The following MAP7 variants were observed in gnomAD, a reference collection of about 807,000 sequenced individuals.
MAP7 encodes the protein ensconsin.
A neutral mutation model predicts 94.8 loss-of-function variants in MAP7; 52 were observed. That is an observed-to-expected ratio of 0.55 (90% CI 0.44 to 0.69). The LOEUF is 0.69. Ranked by LOEUF, MAP7 falls within the 30% of genes least tolerant of loss-of-function variation. MAP7 has a pLI of 0.00. For missense variants in MAP7, 940 were observed against 964.6 expected (o/e 0.97, Z 0.34); for synonymous variants, 350 against 357.0 (o/e 0.98, Z 0.22).
In MAP7 at chr6:136,356,699, C is replaced by G. The variant is rs147827400; in HGVS notation, c.2008G>C (p.Val670Leu). The change falls in exon 16 of 18, where the codon GTG (valine) becomes CTG (leucine). Residue 670 changes from valine to leucine, a missense_variant. Val to Leu is a conservative substitution (Grantham distance 32, BLOSUM62 1). Transcript: ENST00000354570. ...ATGTCAGTGAAAACTCACCTCTCCA[C>G]TGTCACTTTTGACTGGTGTGAGGTA... is the stretch of plus-strand genomic sequence containing the variant. ...VVTSHQSKVTVESTPDLEKQP... is the reference protein window; with the variant it reads ...VVTSHQSKVTLESTPDLEKQP... The G allele has an allele frequency of 2.2e-5, 36 of 1,613,674 alleles. No individual in the cohort carries two copies. Among genetic ancestry groups the G allele is most frequent in the Non-Finnish European group, 2.8e-5 (33 of 1,179,710 alleles).
At chr6:136,485,869 A>AT (rs1411200996) in intron 1 of MAP7, among the ~76,000 whole-genome samples, 1 of 152,116 alleles carries the variant, frequency 6.6e-6, no homozygotes, top group Non-Finnish European at 1.5e-5. Context: ...GCCACTTCAG[A>AT]TTTTTTAATG....
At chr6:136,427,046 A>G (rs1360303506) in intron 1 of MAP7, among the ~76,000 whole-genome samples, 1 of 152,274 alleles carries the variant, frequency 6.6e-6, no homozygotes, top group Non-Finnish European at 1.5e-5. Context: ...ACTTACCCGT[A>G]TCGTGTACCA....
chr6:136,520,199 CAAAA>C (rs61528866), intron 1 of MAP7, among the ~76,000 whole-genome samples: 2 of 65,820 alleles, frequency 3.0e-5, no homozygotes, highest in African/African-American at 5.1e-5. Context: ...GAGTTTGCCT[CAAAA>C]AAAAAAAAAA....
rs1787614051 is a variant in MAP7 at position 136,346,046 on chromosome 6, A to G, written c.2049T>C (p.Asn683=). Residue 683 remains asparagine (N), a synonymous_variant, in exon 17 of 18, where the codon AAT becomes AAC. Coordinates refer to ENST00000354570, the MANE Select transcript of MAP7 (RefSeq NM_003980.6). The part of the protein sequence containing the change: ...TPDLEKQPNE[N]GVSVQNENFE... The stretch of plus-strand genomic sequence containing the variant: ...AATTTTCATTCTGAACAGATACACC[A>G]TTTTCATTTGGTTGTTTTTCCAAAT... 5.0e-6 allele frequency: 8 copies of G among 1,612,994 alleles called. No individual in the cohort carries two copies. The highest frequency in any genetic ancestry group is 6.8e-6 in the Non-Finnish European group (8 of 1,179,338).
At chr6:136,530,139 A>C (rs1332587253) in intron 1 of MAP7, among the ~76,000 whole-genome samples, 2 of 152,338 alleles carry the variant, frequency 1.3e-5, no homozygotes, top group Non-Finnish European at 1.5e-5. Flanking sequence ...AAACATACCT[A>C]AAATTTCCCT....
intron 1 of MAP7, among the ~76,000 whole-genome samples, chr6:136,511,065 T>A (rs540386697): frequency 1.3e-5 from 2 of 152,240 alleles, no homozygotes; most frequent in South Asian, 4.1e-4. Context: ...AGCATCAAAG[T>A]AGATGTGTGT....
At chr6:136,377,559 C>T (rs2076192) in intron 7 of MAP7, among the ~76,000 whole-genome samples, 196 bp downstream of exon 7, 6 of 152,040 alleles carry the variant, frequency 3.9e-5, no homozygotes, top group African/African-American at 1.5e-4. Context: ...GCCTGCCTGG[C>T]GTCTGGTGTC....
rs1226014843 is a variant in MAP7, at chr6:136,389,218, T to C, written c.408+136A>G. On this transcript the variant is annotated intron_variant, in intron 4 of 17. Transcript: ENST00000354570. ...CTCATACCCTGAACTCCCTAGAAAC[T>C]GTAGCCATCTGTAAAGCTGATCACT... 5 of 1,365,968 alleles carry C rather than the reference T, an allele frequency of 3.7e-6. No homozygotes were observed. The African/African-American group carries it at 4.5e-5, about 12-fold the overall frequency. The allele number at this position is 1,365,968 out of a possible 1,614,324, so 84.6% of individuals were successfully genotyped here.
intron 1 of MAP7, among the ~76,000 whole-genome samples, chr6:136,488,347 A>C (rs971525055): frequency 2.0e-5 from 3 of 152,166 alleles, no homozygotes; most frequent in Non-Finnish European, 4.4e-5. Context: ...AAAACTTATC[A>C]CACAAAATTC....
intron 1 of MAP7, among the ~76,000 whole-genome samples, chr6:136,461,295 G>A (rs9402813): frequency 0.054 from 8,221 of 151,936 alleles, 488 homozygotes; most frequent in African/African-American, 0.14. Context: ...TTTTTACCTC[G>A]ACAATGACTG....
At position 136,503,927 on chromosome 6, in the gene MAP7, G is replaced by A. The variant is rs570639799; in HGVS notation, c.67+46415C>T. Among the ~76,000 whole-genome samples, 6 of 152,254 alleles carry A rather than the reference G, an allele frequency of 3.9e-5. No individual in the cohort carries two copies. The South Asian group carries it at 8.3e-4, about 21-fold the overall frequency. On this transcript the variant is annotated intron_variant, in intron 1 of 17. Coordinates refer to ENST00000354570, the MANE Select transcript of MAP7 (RefSeq NM_003980.6). The stretch of plus-strand genomic sequence containing the variant: ...CACTATAAAAAGTTACTGCAGCACC[G>A]ATTTGTAGTCACAACAAAGTGAAAA...
rs1411955856 is a variant in MAP7, at chr6:136,345,925, C to T, written c.2170G>A (p.Ala724Thr). 6.2e-7 allele frequency: 1 copy of T among 1,614,088 alleles called. No individual in the cohort carries two copies. Among genetic ancestry groups the T allele is most frequent in the African/African-American group, 1.3e-5 (1 of 75,012 alleles). ...SPEIPLNPIL[A>T]FDDEGTLGPL... ...CCAAGTGTCCCTTCATCATCAAAGG[C>T]CAAAATTGGATTCAAAGGAATTTCT... Residue 724 changes from alanine to threonine, a missense_variant, in exon 17 of 18, where the codon GCC becomes ACC. Physicochemically the swap from Ala to Thr is moderately conservative, Grantham distance 58. Coordinates refer to ENST00000354570, the MANE Select transcript of MAP7 (RefSeq NM_003980.6).
chr6:136,546,910 T>G (rs1417005964), intron 1 of MAP7, among the ~76,000 whole-genome samples: 1 of 152,186 alleles, frequency 6.6e-6, no homozygotes, highest in African/African-American at 2.4e-5. Context: ...CCTATCAATA[T>G]TACATAAATG....
At chr6:136,403,851 A>C (rs1307708264) in intron 3 of MAP7, among the ~76,000 whole-genome samples, 3 of 152,208 alleles carry the variant, frequency 2.0e-5, no homozygotes, top group African/African-American at 7.2e-5. Context: ...GTTATGTGCT[A>C]ACATCCATAT....
intron 1 of MAP7, among the ~76,000 whole-genome samples, chr6:136,519,583 C>T (rs541195051): frequency 3.3e-5 from 5 of 152,218 alleles, no homozygotes; most frequent in African/African-American, 1.2e-4. Context: ...AAATGGTAAA[C>T]ACTAGATTAT....
intron 13 of MAP7, 38 bp downstream of exon 13, chr6:136,360,659 A>G: frequency 1.3e-6 from 2 of 1,590,010 alleles, no homozygotes; most frequent in Non-Finnish European, 1.7e-6. Flanking sequence ...TAGAGGTGCA[A>G]GTTCGCGTCC....
In MAP7 at chr6:136,449,764, G is replaced by C. The variant is rs558749615; in HGVS notation, c.68-27965C>G. Among the ~76,000 whole-genome samples the C allele has an allele frequency of 3.3e-5, 5 of 152,354 alleles. No homozygotes were observed. In the South Asian group the frequency reaches 1.0e-3, roughly 32 times the overall value. Reference sequence around the variant, plus strand: ...ATGCAGGGGCTCTGCCCATAGGGACGAAGGCATTAGCCAACGATTGCACTG... The same window carrying C: ...ATGCAGGGGCTCTGCCCATAGGGACCAAGGCATTAGCCAACGATTGCACTG... On this transcript the variant is annotated intron_variant, in intron 1 of 17. Coordinates refer to ENST00000354570, the MANE Select transcript of MAP7 (RefSeq NM_003980.6).
At chr6:136,394,954 A>ATATATC (rs1781966981) in intron 3 of MAP7, among the ~76,000 whole-genome samples, 2 of 123,348 alleles carry the variant, frequency 1.6e-5, no homozygotes, top group Admixed American at 1.6e-4. Context: ...ATATATATAT[A>ATATATC]TATATATATA....
intron 3 of MAP7, among the ~76,000 whole-genome samples, chr6:136,390,518 T>C (rs958725051): frequency 6.6e-6 from 1 of 152,034 alleles, no homozygotes; most frequent in Non-Finnish European, 1.5e-5. Flanking sequence ...GAAGGTGTGG[T>C]GGCACGTGCC....
Sources: gnomAD v4.1 joint callset for allele counts (sites outside exome capture counted in the v4.1 genomes callset) on GRCh38, gnomAD v4.1.1 for gene constraint, MANE v1.5 for transcripts, NCBI Gene and HGNC (gene_info 2026-07-23, HGNC 2026-07-21) for gene names.